ARSJ: variants seen among roughly 807,000 people sequenced by gnomAD.
The protein encoded by ARSJ is arylsulfatase J.
ARSJ carries 26 observed loss-of-function variants against 35.9 expected under a neutral mutation model. The ratio of observed to expected loss-of-function variants is 0.72; its 90% CI spans 0.53 to 1.00. The LOEUF is 1.00. Ranked by LOEUF, ARSJ falls within the 50% of genes least tolerant of loss-of-function variation. ARSJ has a pLI of 0.00. For missense variants in ARSJ, 667 were observed against 723.6 expected, an observed-to-expected ratio of 0.92 and a Z score of 0.90; for synonymous variants, 294 against 267.6, an observed-to-expected ratio of 1.10 and a Z score of -0.96.
chr4:113,951,873 C>G (rs940406073), intron 1 of ARSJ, among the ~76,000 whole-genome samples: 1 of 152,028 alleles, frequency 6.6e-6, no homozygotes, highest in African/African-American at 2.4e-5. Context: ...TATTGAATAA[C>G]TGCCCTTAGG....
intron 1 of ARSJ, among the ~76,000 whole-genome samples, chr4:113,978,147 A>T (rs1001629991): frequency 1.3e-5 from 2 of 152,214 alleles, no homozygotes; most frequent in Admixed American, 1.3e-4. Context: ...ACAGGAGACC[A>T]TTTCTGGAAA....
At position 113,903,436 on chromosome 4, in the gene ARSJ, T is replaced by C. The variant is rs1307769210; in HGVS notation, c.638A>G (p.Asp213Gly). The C allele has an allele frequency of 6.2e-7, 1 of 1,614,070 alleles. No homozygotes were observed. Among genetic ancestry groups the C allele is most frequent in the Non-Finnish European group, 8.5e-7 (1 of 1,180,034 alleles). The change falls in exon 2 of 2, where the codon GAC becomes GGC. Residue 213 changes from aspartate (D) to glycine (G), a missense_variant. Transcript: ENST00000315366. ...GTCATAGCCACACATCCCAGGACTG[T>C]CACATTTGTAGTGTGTATAGTAATC... ...SGDYYTHYKC[D>G]SPGMCGYDLY...
intron 1 of ARSJ, among the ~76,000 whole-genome samples, chr4:113,962,483 CT>C (rs35398076): frequency 0.048 from 6,726 of 139,394 alleles, 300 homozygotes; most frequent in East Asian, 0.15. Context: ...GAGCAGGCAC[CT>C]TTTTTTTTTT....
intron 1 of ARSJ, among the ~76,000 whole-genome samples, chr4:113,915,518 G>A (rs924540074): frequency 2.0e-5 from 3 of 152,176 alleles, no homozygotes; most frequent in South Asian, 4.2e-4. Context: ...CATGGTTATA[G>A]CTGACTTAAT....
At chr4:113,970,060 G>A (rs1727145772) in intron 1 of ARSJ, among the ~76,000 whole-genome samples, 1 of 152,166 alleles carries the variant, frequency 6.6e-6, no homozygotes. Flanking sequence ...TAAGCAAAGT[G>A]GTATTTTAGG....
intron 1 of ARSJ, among the ~76,000 whole-genome samples, chr4:113,910,064 G>GT (rs1252807247): frequency 2.0e-5 from 3 of 152,080 alleles, no homozygotes; most frequent in African/African-American, 4.8e-5. Flanking sequence ...AATTTAGTAA[G>GT]TTTTTTTGTC....
At chr4:113,909,717 C>A (rs2099669851) in intron 1 of ARSJ, among the ~76,000 whole-genome samples, 1 of 152,154 alleles carries the variant, frequency 6.6e-6, no homozygotes, top group Non-Finnish European at 1.5e-5. Context: ...GTCAATTAAA[C>A]CTCTTTTCTT....
chr4:113,926,539 T>C (rs772937449), intron 1 of ARSJ, among the ~76,000 whole-genome samples: 1 of 152,098 alleles, frequency 6.6e-6, no homozygotes, highest in Non-Finnish European at 1.5e-5. Flanking sequence ...CATAAGGCCA[T>C]TGGTGCATGC....
chr4:113,945,733 C>T (rs1032168275), intron 1 of ARSJ, among the ~76,000 whole-genome samples: 6 of 152,054 alleles, frequency 3.9e-5, no homozygotes. Flanking sequence ...TTTTATGTAT[C>T]TGACATTTAT....
chr4:113,907,223 T>G (rs17046590), intron 1 of ARSJ, among the ~76,000 whole-genome samples: 2,826 of 152,368 alleles, frequency 0.019, 76 homozygotes, highest in African/African-American at 0.065. Flanking sequence ...GTAAACCGGA[T>G]AGTGAGACTT....
At chr4:113,922,167 C>CTGATTTGTCCCAAGGGACAAATA (rs1554115016) in intron 1 of ARSJ, among the ~76,000 whole-genome samples, 1 of 152,096 alleles carries the variant, frequency 6.6e-6, no homozygotes, top group Non-Finnish European at 1.5e-5. Context: ...GGGACATCTT[C>CTGATTTGTCCCAAGGGACAAATA]TGATTAAGTA....
At chr4:113,942,393 G>C (rs1725213049) in intron 1 of ARSJ, among the ~76,000 whole-genome samples, 1 of 151,986 alleles carries the variant, frequency 6.6e-6, no homozygotes, top group Admixed American at 6.6e-5. Context: ...AGATATCTCA[G>C]AATACTAGGC....
At chr4:113,924,100 T>A (rs1357070491) in intron 1 of ARSJ, among the ~76,000 whole-genome samples, 13 of 133,668 alleles carry the variant, frequency 9.7e-5, no homozygotes, top group African/African-American at 1.5e-4. Context: ...TATATATATA[T>A]ATATATATAT....
chr4:113,914,214 C>T (rs1723136134), intron 1 of ARSJ, among the ~76,000 whole-genome samples: 2 of 152,028 alleles, frequency 1.3e-5, no homozygotes, highest in Non-Finnish European at 2.9e-5. Flanking sequence ...CCTCATAATC[C>T]ACCCGCTTCA....
At position 113,901,182 on chromosome 4, in the gene ARSJ, C is replaced by T. The variant is rs2099666931; in HGVS notation, c.*1092G>A. On this transcript the variant is annotated 3_prime_UTR_variant, in exon 2 of 2. Coordinates refer to ENST00000315366, the MANE Select transcript of ARSJ (RefSeq NM_024590.4). Reference sequence around the variant, plus strand: ...GATCAGAAAAGCCACAGTAAATTTTCTAGTGCCATAAAGTAAATCATTTTA... The same window carrying T: ...GATCAGAAAAGCCACAGTAAATTTTTTAGTGCCATAAAGTAAATCATTTTA... 1 of 152,102 alleles carries T rather than the reference C, an allele frequency of 6.6e-6. No individual in the cohort carries two copies. The highest frequency in any genetic ancestry group is 1.5e-5 in the Non-Finnish European group (1 of 68,010). 9.4% of individuals were successfully genotyped at this position (152,102 alleles called of 1,614,324 possible).
chr4:113,968,281 A>G (rs1249082908), intron 1 of ARSJ, among the ~76,000 whole-genome samples: 2 of 152,168 alleles, frequency 1.3e-5, no homozygotes, highest in Non-Finnish European at 2.9e-5. Flanking sequence ...AGAGATATGT[A>G]TATACATATA....
chr4:113,945,097 C>T (rs1725392402), intron 1 of ARSJ, among the ~76,000 whole-genome samples: 1 of 151,874 alleles, frequency 6.6e-6, no homozygotes, highest in East Asian at 1.9e-4. Context: ...TTTTGAAGTC[C>T]AAATAGAAAC....
intron 1 of ARSJ, among the ~76,000 whole-genome samples, chr4:113,917,831 CATTTCAAAGA>C (rs1723414555): frequency 6.6e-6 from 1 of 152,032 alleles, no homozygotes; most frequent in South Asian, 2.1e-4. Context: ...ATGGCAAATC[CATTTCAAAGA>C]ATTTCTATGC....
chr4:113,950,503 A>C (rs894561391), intron 1 of ARSJ, among the ~76,000 whole-genome samples: 4 of 152,076 alleles, frequency 2.6e-5, no homozygotes, highest in African/African-American at 9.7e-5. Flanking sequence ...ATTCACTGAG[A>C]AACATTATCC....
Sources: gnomAD v4.1 joint callset for allele counts (sites outside exome capture counted in the v4.1 genomes callset) on GRCh38, gnomAD v4.1.1 for gene constraint, MANE v1.5 for transcripts, NCBI Gene and HGNC (gene_info 2026-07-23, HGNC 2026-07-21) for gene names.